The following BANK1 variants were observed in gnomAD, a reference collection of about 807,000 sequenced individuals.
BANK1 encodes the protein B cell scaffold protein with ankyrin repeats 1, also known as B-cell scaffold protein with ankyrin repeats.
A neutral mutation model predicts 94.5 loss-of-function variants in BANK1; 95 were observed. The ratio of observed to expected loss-of-function variants is 1.00; its 90% CI spans 0.85 to 1.19. The LOEUF (loss-of-function observed/expected upper bound fraction) is 1.19, where lower values mean the gene tolerates loss of function less well. Ranked by LOEUF, BANK1 falls within the 50% of genes most tolerant of loss-of-function variation. BANK1 has a pLI of 0.00. For missense variants in BANK1, 987 were observed against 932.2 expected, an observed-to-expected ratio of 1.06 and a Z score of -0.77; for synonymous variants, 334 against 308.4, an observed-to-expected ratio of 1.08 and a Z score of -0.87.
chr4:101,941,767 T>G (rs1723750846), intron 7 of BANK1, among the ~76,000 whole-genome samples: 1 of 151,648 alleles, frequency 6.6e-6, no homozygotes, highest in Non-Finnish European at 1.5e-5. Context: ...ACACATATGC[T>G]TTCTAATAAA....
Position 101,993,865 on chromosome 4 carries a change from T to C in BANK1, c.1207-27649T>C, listed in dbSNP as rs183755548. Among the ~76,000 whole-genome samples the C allele has an allele frequency of 8.9e-4, 135 of 152,366 alleles. 1 individual carries two copies. The highest frequency in any genetic ancestry group is 3.1e-3 in the African/African-American group (128 of 41,592). ...CAAGAATTTGCAGTTTAAGCTTTTC[T>C]TACCAATTTTATATTTGCTTGGTTT... On this transcript the variant is annotated intron_variant, in intron 7 of 16. Coordinates refer to ENST00000322953, the MANE Select transcript of BANK1 (RefSeq NM_017935.5).
At chr4:101,854,968 T>C (rs1013074503) in intron 2 of BANK1, 67 bp from the exon 3 acceptor site, 1 of 1,257,750 alleles carries the variant, frequency 8.0e-7, no homozygotes, top group East Asian at 2.3e-5. Flanking sequence ...AATTAGTCTT[T>C]ATAGCAATGG....
chr4:101,965,210 G>T (rs775555779), intron 7 of BANK1, among the ~76,000 whole-genome samples: 3 of 151,602 alleles, frequency 2.0e-5, no homozygotes, highest in Non-Finnish European at 4.4e-5. Context: ...TCTACCTTTT[G>T]ATCTGCACTT....
chr4:101,805,995 C>A (rs539229868), intron 1 of BANK1, among the ~76,000 whole-genome samples: 89 of 151,872 alleles, frequency 5.9e-4, no homozygotes, highest in African/African-American at 2.0e-3. Flanking sequence ...TCTTCTAGGG[C>A]AAGTAGAGAG....
chr4:101,869,865 T>G (rs908244940), intron 4 of BANK1, among the ~76,000 whole-genome samples: 30 of 152,006 alleles, frequency 2.0e-4, no homozygotes, highest in South Asian at 1.2e-3. Flanking sequence ...TCCTAAATTC[T>G]TATATAACTT....
chr4:101,837,196 A>G (rs1726860728), intron 2 of BANK1, among the ~76,000 whole-genome samples: 1 of 152,194 alleles, frequency 6.6e-6, no homozygotes, highest in Non-Finnish European at 1.5e-5. Context: ...ACAATAATCA[A>G]TTCTATCAGT....
At position 102,066,549 on chromosome 4, in the gene BANK1, G is replaced by C. The variant is rs952543401; in HGVS notation, c.2212+3411G>C. Among the ~76,000 whole-genome samples, 9 of 152,050 alleles carry C rather than the reference G, an allele frequency of 5.9e-5. No individual in the cohort carries two copies. The South Asian group carries it at 1.7e-3, about 28-fold the overall frequency. ...TGGGATTACAGGCGTGAGCCAATGC[G>C]ACCAGCCAATAACATCTTTAAAGTC... On this transcript the variant is annotated intron_variant, in intron 13 of 16. Coordinates refer to ENST00000322953, the MANE Select transcript of BANK1 (RefSeq NM_017935.5).
chr4:101,831,045 T>C (rs954392463), intron 2 of BANK1, among the ~76,000 whole-genome samples: 2 of 152,182 alleles, frequency 1.3e-5, no homozygotes, highest in African/African-American at 4.8e-5. Context: ...GTCTAATGCA[T>C]ATAGATTCTT....
chr4:102,029,451 G>C (rs909347961), intron 9 of BANK1, among the ~76,000 whole-genome samples: 3 of 150,658 alleles, frequency 2.0e-5, no homozygotes, highest in Admixed American at 1.3e-4. Context: ...CAAAGCTGTG[G>C]AGTTTCAGAC....
chr4:101,973,290 A>C (rs1219068470), intron 7 of BANK1, among the ~76,000 whole-genome samples: 1 of 151,824 alleles, frequency 6.6e-6, no homozygotes, highest in Non-Finnish European at 1.5e-5. Flanking sequence ...TCTATTTATA[A>C]TTAAAAACTA....
At chr4:102,057,058 A>G (rs891632666) in intron 11 of BANK1, among the ~76,000 whole-genome samples, 14 of 152,162 alleles carry the variant, frequency 9.2e-5, no homozygotes, top group African/African-American at 3.4e-4. Context: ...CTCAAAGAAT[A>G]TATGCAACCC....
chr4:102,021,584 A>G lies in BANK1; in HGVS notation c.1277A>G (p.Tyr426Cys), dbSNP rs541276058. 2.2e-6 allele frequency: 3 copies of G among 1,390,270 alleles called. No individual in the cohort carries two copies. The highest frequency in any genetic ancestry group is 1.5e-5 in the African/African-American group (1 of 67,208). 86.1% of individuals were successfully genotyped at this position (1,390,270 alleles called of 1,614,324 possible). A position where few individuals can be genotyped will look rare whatever the true frequency, so the allele number is the denominator to read the frequency against. ...GAGGATATTGCCTCATTTTCCACAT[A>G]TATTCCTTGTAAGTTTTTCCATGTT... ...YEEDIASFST[Y>C]IPSTQNPAFH... Residue 426 changes from tyrosine (Y) to cysteine (C), a missense_variant, in exon 8 of 17, where the codon TAT (tyrosine) becomes TGT (cysteine). Tyr to Cys is a radical substitution (Grantham distance 194). Coordinates refer to ENST00000322953, the MANE Select transcript of BANK1 (RefSeq NM_017935.5).
intron 11 of BANK1, among the ~76,000 whole-genome samples, chr4:102,045,364 C>G (rs547971040): frequency 1.3e-5 from 2 of 152,054 alleles, no homozygotes; most frequent in African/African-American, 4.8e-5. Flanking sequence ...GGAAGCATTC[C>G]CTTTGAAAAC....
At chr4:101,868,944 G>T (rs956821555) in intron 4 of BANK1, among the ~76,000 whole-genome samples, 22 of 151,752 alleles carry the variant, frequency 1.4e-4, no homozygotes, top group African/African-American at 5.1e-4. Flanking sequence ...CTCATTGGAG[G>T]ATTACTCTAA....
chr4:102,054,952 T>C (rs1376066335), intron 11 of BANK1, among the ~76,000 whole-genome samples: 2 of 152,124 alleles, frequency 1.3e-5, no homozygotes, highest in Admixed American at 1.3e-4. Context: ...ACCTGCTTTT[T>C]TTCAATTTAA....
intron 3 of BANK1, among the ~76,000 whole-genome samples, chr4:101,860,500 G>A (rs1046461608): frequency 6.6e-6 from 1 of 151,766 alleles, no homozygotes; most frequent in Non-Finnish European, 1.5e-5. Flanking sequence ...GCGTGATCTC[G>A]GCTCACTGCA....
At chr4:101,945,449 T>C (rs553682996) in intron 7 of BANK1, among the ~76,000 whole-genome samples, 2 of 151,964 alleles carry the variant, frequency 1.3e-5, no homozygotes, top group African/African-American at 4.8e-5. Context: ...AGTGATGAGG[T>C]ATTATTATCT....
At chr4:101,948,318 C>T (rs1724009099) in intron 7 of BANK1, among the ~76,000 whole-genome samples, 1 of 152,052 alleles carries the variant, frequency 6.6e-6, no homozygotes, top group Admixed American at 6.6e-5. Context: ...TGTTATTTCC[C>T]TGGCCTGTGC....
At chr4:101,805,096 C>T (rs1252269962) in intron 1 of BANK1, among the ~76,000 whole-genome samples, 1 of 152,088 alleles carries the variant, frequency 6.6e-6, no homozygotes, top group African/African-American at 2.4e-5. Context: ...GGATTTCATA[C>T]ATCAAAATGT....
Sources: allele counts gnomAD v4.1 joint callset (sites outside exome capture counted in the v4.1 genomes callset), GRCh38; gene constraint gnomAD v4.1.1; transcripts MANE v1.5; gene names NCBI Gene and HGNC (gene_info 2026-07-23, HGNC 2026-07-21).